Variants in SLC12A2 observed in about 807,000 individuals in gnomAD.
SLC12A2 encodes the protein Na-K-2Cl cotransporter 1.
A neutral mutation model predicts 136.3 loss-of-function variants in SLC12A2; 67 were observed. The observed-to-expected ratio is 0.49, with a 90% CI of 0.40 to 0.60. SLC12A2 has a LOEUF of 0.60. SLC12A2 is among the 20% of genes least tolerant of loss of function. SLC12A2 has a pLI of 0.00. For synonymous variants in SLC12A2, 619 were observed against 562.9 expected, an observed-to-expected ratio of 1.10 and a Z score of -1.41; for missense variants, 1,322 against 1,534.7, an observed-to-expected ratio of 0.86 and a Z score of 2.32.
chr5:128,155,217 A>G (rs572438197), intron 15 of SLC12A2, among the ~76,000 whole-genome samples: 2 of 152,338 alleles, frequency 1.3e-5, no homozygotes, highest in Admixed American at 1.3e-4. Flanking sequence ...AGAATGATGC[A>G]TAATTTAAAA....
intron 15 of SLC12A2, among the ~76,000 whole-genome samples, chr5:128,153,943 A>AT (rs1296168627): frequency 2.6e-5 from 4 of 151,930 alleles, no homozygotes; most frequent in Admixed American, 1.3e-4. Flanking sequence ...ACTTCAGCAT[A>AT]TTTTGGATAG....
intron 1 of SLC12A2, among the ~76,000 whole-genome samples, chr5:128,091,155 G>A (rs1760300996): frequency 6.6e-6 from 1 of 152,146 alleles, no homozygotes; most frequent in Non-Finnish European, 1.5e-5. Context: ...TCAGATGCTG[G>A]ATGTGTTTCA....
chr5:128,189,138 G>A lies in SLC12A2; in HGVS notation c.*2507G>A, dbSNP rs1763965814. ...TACTTTCACTTAACACTAGACACCA[G>A]GTCGAAAATTTTCAAGGTTATAGTA... On this transcript the variant is annotated 3_prime_UTR_variant, in exon 27 of 27. Coordinates refer to ENST00000262461, the MANE Select transcript of SLC12A2 (RefSeq NM_001046.3). 1 of 152,138 alleles carries A rather than the reference G, an allele frequency of 6.6e-6. No individual in the cohort carries two copies. 9.4% of individuals were successfully genotyped at this position (152,138 alleles called of 1,614,324 possible).
intron 4 of SLC12A2, among the ~76,000 whole-genome samples, chr5:128,126,834 G>C (rs1361250703): frequency 6.7e-6 from 1 of 150,260 alleles, no homozygotes; most frequent in Non-Finnish European, 1.5e-5. Context: ...CTATTTCTGA[G>C]TTGCTGAGCA....
chr5:128,084,878 T>G lies in SLC12A2; in HGVS notation c.756+168T>G, dbSNP rs952238360. 6.6e-6 allele frequency among the ~76,000 whole-genome samples: 1 copy of G among 151,616 alleles called. No individual in the cohort carries two copies. The highest frequency in any genetic ancestry group is 2.4e-5 in the African/African-American group (1 of 41,206). ...GGTGGAATTGCCGAGGAATGTTAAC[T>G]TAATCTCTCAAAAGTTTGTAGCGGG... On this transcript the variant is annotated intron_variant, in intron 1 of 26. Coordinates refer to ENST00000262461, the MANE Select transcript of SLC12A2 (RefSeq NM_001046.3). This position sits in a 1 kb window ranked among gnomAD's most constrained non-coding sequence, Gnocchi z 5.6.
At chr5:128,148,560 A>G (rs113830504) in intron 11 of SLC12A2, among the ~76,000 whole-genome samples, 194 bp from the exon 12 acceptor site, 1 of 151,746 alleles carries the variant, frequency 6.6e-6, no homozygotes, top group Non-Finnish European at 1.5e-5. Context: ...AGAAGTTTTG[A>G]CCAGTATCCT....
chr5:128,177,974 T>C (rs1763585521), intron 21 of SLC12A2, among the ~76,000 whole-genome samples: 1 of 152,208 alleles, frequency 6.6e-6, no homozygotes, highest in Non-Finnish European at 1.5e-5. Context: ...GATGTGGTTA[T>C]ATGGCTTTAG....
intron 6 of SLC12A2, among the ~76,000 whole-genome samples, chr5:128,134,697 A>T (rs1234581057): frequency 1.3e-5 from 2 of 152,096 alleles, no homozygotes; most frequent in African/African-American, 4.8e-5. Flanking sequence ...AGAAGTTAGG[A>T]CTACCAAAGC....
At chr5:128,097,680 T>A (rs570424627) in intron 1 of SLC12A2, among the ~76,000 whole-genome samples, 3 of 152,142 alleles carry the variant, frequency 2.0e-5, no homozygotes, top group Non-Finnish European at 4.4e-5. Flanking sequence ...TTTAAAACAG[T>A]ACTTTCTCTT....
rs558375504 is a variant in SLC12A2, at chr5:128,130,344, G to A, written c.1049-723G>A. Among the ~76,000 whole-genome samples the A allele has an allele frequency of 1.3e-4, 20 of 151,914 alleles. 1 individual carries two copies. Among genetic ancestry groups the A allele is most frequent in the South Asian group, 1.2e-3 (6 of 4,808 alleles). On this transcript the variant is annotated intron_variant, in intron 4 of 26. Transcript: ENST00000262461. ...ATCCTGGCCAACATGGTGAAACCCC[G>A]TCTCTACTAAAAATGCAAAAATTAG...
chr5:128,141,150 T>G (rs1367802898), intron 9 of SLC12A2, among the ~76,000 whole-genome samples: 1 of 152,190 alleles, frequency 6.6e-6, no homozygotes, highest in Non-Finnish European at 1.5e-5. Flanking sequence ...TTTTCAATTT[T>G]ATGGAAAAGT....
intron 7 of SLC12A2, among the ~76,000 whole-genome samples, chr5:128,137,689 A>G (rs146487111): frequency 3.6e-4 from 55 of 152,342 alleles, no homozygotes; most frequent in Middle Eastern, 3.4e-3. Context: ...GAATGGATAG[A>G]TGGATACATT....
intron 1 of SLC12A2, among the ~76,000 whole-genome samples, chr5:128,103,332 A>G (rs921201296): frequency 3.3e-5 from 5 of 152,214 alleles, no homozygotes; most frequent in Admixed American, 6.5e-5. Context: ...GAGGGATTAA[A>G]TAACTTGCCA....
Position 128,188,336 on chromosome 5 carries a change from C to A in SLC12A2, c.*1705C>A, listed in dbSNP as rs1202028354. The A allele has an allele frequency of 7.4e-6, 1 of 135,226 alleles. No homozygotes were observed. Among genetic ancestry groups the A allele is most frequent in the African/African-American group, 2.9e-5 (1 of 34,460 alleles). 8.4% of individuals were successfully genotyped at this position (135,226 alleles called of 1,614,324 possible). A position where few individuals can be genotyped will look rare whatever the true frequency, so the allele number is the denominator to read the frequency against. ...TTTGAGACGGAGTCTTGCTCTGTTG[C>A]CACGCTGGAATGCAGTAACGTGATC... On this transcript the variant is annotated 3_prime_UTR_variant, in exon 27 of 27. Transcript: ENST00000262461.
intron 1 of SLC12A2, among the ~76,000 whole-genome samples, chr5:128,104,829 A>G (rs1045650562): frequency 2.0e-5 from 3 of 152,080 alleles, no homozygotes; most frequent in African/African-American, 7.2e-5. Context: ...AGGTATTTCT[A>G]CAAAGTATAG....
At chr5:128,164,920 G>A (rs933328024) in intron 17 of SLC12A2, among the ~76,000 whole-genome samples, 1 of 146,622 alleles carries the variant, frequency 6.8e-6, no homozygotes, top group African/African-American at 2.5e-5. Flanking sequence ...GTAGCTGACT[G>A]CAGCCTTGAC....
intron 7 of SLC12A2, 151 bp from the exon 8 acceptor site, chr5:128,138,446 C>A: frequency 1.6e-6 from 1 of 636,466 alleles, no homozygotes; most frequent in Non-Finnish European, 2.7e-6. Flanking sequence ...GAAAAGAACA[C>A]CAAATACTTG....
At chr5:128,123,521 C>G (rs1178009361) in intron 4 of SLC12A2, among the ~76,000 whole-genome samples, 1 of 151,912 alleles carries the variant, frequency 6.6e-6, no homozygotes. Flanking sequence ...ATTTTTCATT[C>G]TAGTATGTGC....
At chr5:128,181,829 C>T (rs949439396) in intron 23 of SLC12A2, among the ~76,000 whole-genome samples, 2 of 151,958 alleles carry the variant, frequency 1.3e-5, no homozygotes, top group Non-Finnish European at 2.9e-5. Context: ...CCTCTCATCT[C>T]TCTCCTGTAA....
Sources: gnomAD v4.1 joint callset for allele counts (sites outside exome capture counted in the v4.1 genomes callset) on GRCh38, gnomAD v4.1.1 for gene constraint, Gnocchi (gnomAD v3.1) non-coding constraint, MANE v1.5 for transcripts, NCBI Gene and HGNC (gene_info 2026-07-23, HGNC 2026-07-21) for gene names.